The following ACO2 variants were observed in gnomAD, a reference collection of about 807,000 sequenced individuals.
ACO2 encodes aconitase 2, also known as aconitate hydratase, mitochondrial.
A neutral mutation model predicts 84.5 loss-of-function variants in ACO2; 31 were observed. The observed-to-expected ratio is 0.37, with a 90% CI of 0.28 to 0.50. The LOEUF is 0.50. Ranked by LOEUF, ACO2 falls within the 20% of genes least tolerant of loss-of-function variation. The probability of loss-of-function intolerance (pLI) is 0.97; values close to 1 mark genes in which losing one functional copy is unlikely to be tolerated. For missense variants in ACO2, 685 were observed against 1,029.3 expected, an observed-to-expected ratio of 0.67 and a Z score of 4.58; for synonymous variants, 414 against 412.7, an observed-to-expected ratio of 1.00 and a Z score of -0.04.
rs778052352 is a variant in ACO2 at position 41,523,912 on chromosome 22, G to C, written c.1453G>C (p.Glu485Gln). Residue 485 changes from glutamate to glutamine, a missense_variant, in exon 12 of 18, where the codon GAG (glutamate) becomes CAG (glutamine). Glu to Gln is a conservative substitution (Grantham distance 29). Transcript: ENST00000216254. ...CACGGGCCGCAACGACGCAAACCCCGAGACCCATGCCTTTGTCACGTCCCC... is the reference window on the plus strand; with the variant it reads ...CACGGGCCGCAACGACGCAAACCCCCAGACCCATGCCTTTGTCACGTCCCC... The part of the protein sequence containing the change: ...NFTGRNDANP[E>Q]THAFVTSPEI... The C allele has an allele frequency of 3.7e-6, 6 of 1,613,016 alleles. No individual in the cohort carries two copies. The highest frequency in any genetic ancestry group is 1.7e-6 in the Non-Finnish European group (2 of 1,180,012).
intron 1 of ACO2, among the ~76,000 whole-genome samples, chr22:41,478,002 A>T (rs1173498484): frequency 6.6e-6 from 1 of 151,556 alleles, no homozygotes; most frequent in Non-Finnish European, 1.5e-5. Context: ...GAAGCAGAGG[A>T]TGCAGTGAGC....
At chr22:41,525,429 T>G in intron 14 of ACO2, 81 bp downstream of exon 14, 1 of 1,549,102 alleles carries the variant, frequency 6.5e-7, no homozygotes, top group Non-Finnish European at 8.8e-7. Flanking sequence ...GCCATGAACC[T>G]GGAGGAAGTG....
intron 2 of ACO2, among the ~76,000 whole-genome samples, chr22:41,500,282 A>G (rs2066344334): frequency 6.6e-6 from 1 of 151,342 alleles, no homozygotes; most frequent in South Asian, 2.1e-4. Context: ...ATAAACTAAG[A>G]TGGGACCTTT....
rs142330436 is a variant in ACO2, at chr22:41,476,236, C to T, written c.36+7054C>T. On this transcript the variant is annotated intron_variant, in intron 1 of 17. Transcript: ENST00000216254. ...CAGCCTGACCAACATGGTGAAACCCCGTCTGTACTTAAAATACAAAATTAG... is the reference window on the plus strand; with the variant it reads ...CAGCCTGACCAACATGGTGAAACCCTGTCTGTACTTAAAATACAAAATTAG... 3.5e-3 allele frequency among the ~76,000 whole-genome samples: 526 copies of T among 150,930 alleles called. 2 individuals carry two copies. Among genetic ancestry groups the T allele is most frequent in the Non-Finnish European group, 5.5e-3 (370 of 67,730 alleles).
intron 7 of ACO2, 82 bp downstream of exon 7, chr22:41,517,713 T>A: frequency 7.8e-7 from 1 of 1,280,194 alleles, no homozygotes; most frequent in Non-Finnish European, 1.1e-6. Flanking sequence ...CCTTTCCCTG[T>A]AGGGCAGGGG....
intron 1 of ACO2, among the ~76,000 whole-genome samples, chr22:41,478,756 C>T (rs907943927): frequency 6.8e-5 from 10 of 147,848 alleles, no homozygotes; most frequent in African/African-American, 2.0e-4. Flanking sequence ...GTCCCTGCCA[C>T]ATATCTTCTT....
chr22:41,523,771 C>G, intron 11 of ACO2, 59 bp from the exon 12 acceptor site: 4 of 1,459,934 alleles, frequency 2.7e-6, no homozygotes, highest in South Asian at 2.3e-5. Flanking sequence ...TATCTGTCCT[C>G]GGGACAGGCC....
In ACO2 at chr22:41,526,373, G is replaced by A. The variant is rs1357717726; in HGVS notation, c.1873G>A (p.Glu625Lys). 6.2e-7 allele frequency: 1 copy of A among 1,613,810 alleles called. No homozygotes were observed. Among genetic ancestry groups the A allele is most frequent in the Non-Finnish European group, 8.5e-7 (1 of 1,180,028 alleles). The change falls in exon 15 of 18, where the codon GAA becomes AAA. Residue 625 changes from glutamate to lysine, a missense_variant. By Grantham distance (56) the Glu-to-Lys change is moderately conservative (BLOSUM62 1). Around this residue, in one of 5 missense-constraint regions of ACO2, gnomAD observed 174 missense variants for 236.6 expected, o/e 0.74. Coordinates refer to ENST00000216254, the MANE Select transcript of ACO2 (RefSeq NM_001098.3). ...NNLLIGAINI[E>K]NGKANSVRNA... ...CCTGCTCATTGGTGCCATCAACATTGAAAACGGCAAGGCCAACTCCGTGCG... is the reference window on the plus strand; with the variant it reads ...CCTGCTCATTGGTGCCATCAACATTAAAAACGGCAAGGCCAACTCCGTGCG...
At chr22:41,475,214 C>T (rs1019681958) in intron 1 of ACO2, among the ~76,000 whole-genome samples, 1 of 146,064 alleles carries the variant, frequency 6.8e-6, no homozygotes, top group African/African-American at 2.5e-5. Context: ...ATTCTGTCAG[C>T]CAGGCTGGAG....
intron 2 of ACO2, among the ~76,000 whole-genome samples, chr22:41,507,082 G>C (rs1287449527): frequency 6.6e-6 from 1 of 152,116 alleles, no homozygotes; most frequent in Non-Finnish European, 1.5e-5. Context: ...GAGGAAGGGA[G>C]GGGTGGGGCC....
Position 41,524,949 on chromosome 22 carries a change from C to G in ACO2, c.1586C>G (p.Ala529Gly). 4.3e-6 allele frequency: 7 copies of G among 1,614,190 alleles called. No individual in the cohort carries two copies. Among genetic ancestry groups the G allele is most frequent in the Non-Finnish European group, 5.9e-6 (7 of 1,180,024 alleles). Residue 529 changes from alanine (A) to glycine (G), a missense_variant, in exon 13 of 18, where the codon GCA (alanine) becomes GGA (glycine). Physicochemically the swap from Ala to Gly is moderately conservative, Grantham distance 60. Coordinates refer to ENST00000216254, the MANE Select transcript of ACO2 (RefSeq NM_001098.3). ...AAGTTCAGGCTGGAGGCTCCGGATG[C>G]AGATGAGCTTCCCAAAGGGGTGAGC... Reference protein sequence around the residue: ...GKKFRLEAPDADELPKGEFDP... With the variant: ...GKKFRLEAPDGDELPKGEFDP...
intron 16 of ACO2, 135 bp from the exon 17 acceptor site, chr22:41,527,766 G>A (rs1170122743): frequency 1.4e-6 from 2 of 1,447,452 alleles, no homozygotes; most frequent in East Asian, 2.3e-5. Context: ...GCAGACCAGG[G>A]CCCCATAGTC....
Position 41,517,606 on chromosome 22 carries a change from G to C in ACO2, c.915G>C (p.Lys305Asn). Residue 305 changes from lysine to asparagine, a missense_variant, in exon 7 of 18, where the codon AAG becomes AAC. Lys to Asn is a moderately conservative substitution (Grantham distance 94, BLOSUM62 0). Around this residue, in one of 5 missense-constraint regions of ACO2, gnomAD observed 311 missense variants for 441.6 expected, o/e 0.70. Coordinates refer to ENST00000216254, the MANE Select transcript of ACO2 (RefSeq NM_001098.3). ...TCCCTTACAACCACAGGATGAAGAA[G>C]TACCTGAGCAAGACCGGCCGGGAAG... ...SVFPYNHRMK[K>N]YLSKTGREDI... 1 of 1,614,086 alleles carries C rather than the reference G, an allele frequency of 6.2e-7. No individual in the cohort carries two copies. The highest frequency in any genetic ancestry group is 8.5e-7 in the Non-Finnish European group (1 of 1,180,024).
At chr22:41,495,834 C>G (rs8139104) in intron 1 of ACO2, among the ~76,000 whole-genome samples, 7 of 151,284 alleles carry the variant, frequency 4.6e-5, no homozygotes, top group Non-Finnish European at 8.8e-5. Context: ...ATCTCCTGAC[C>G]TCGTGATCCA....
At chr22:41,527,689 C>T in intron 16 of ACO2, 2 of 814,452 alleles carry the variant, frequency 2.5e-6, no homozygotes, top group South Asian at 3.6e-5. Context: ...CATGAATGTG[C>T]AGCAGGAAGG....
Position 41,511,950 on chromosome 22 carries a change from A to C in ACO2, c.507A>C (p.Gly169=), listed in dbSNP as rs201896621. ...ATGGCGTGGGCTTCTGGAAGCCTGG[A>C]TCTGGAATCATTCACCAGGTAAAGC... ...AKYGVGFWKP[G]SGIIHQIILE... is the part of the protein sequence containing the mutation. Residue 169 remains glycine (G), a synonymous_variant, in exon 4 of 18, where the codon GGA becomes GGC. Coordinates refer to ENST00000216254, the MANE Select transcript of ACO2 (RefSeq NM_001098.3). 6.2e-7 allele frequency: 1 copy of C among 1,610,338 alleles called. No homozygotes were observed. Among genetic ancestry groups the C allele is most frequent in the Non-Finnish European group, 8.5e-7 (1 of 1,178,506 alleles).
intron 2 of ACO2, among the ~76,000 whole-genome samples, chr22:41,507,191 T>C (rs2066399936): frequency 6.6e-6 from 1 of 152,062 alleles, no homozygotes; most frequent in Non-Finnish European, 1.5e-5. Context: ...CCTGTCTATG[T>C]CTGGAGCTAA....
intron 3 of ACO2, among the ~76,000 whole-genome samples, chr22:41,511,660 C>G (rs1474296186): frequency 2.6e-5 from 4 of 152,268 alleles, no homozygotes; most frequent in Non-Finnish European, 4.4e-5. Context: ...GGCTCCATCT[C>G]TGCTCCCCTG....
Position 41,470,889 on chromosome 22 carries a change from T to C in ACO2, c.36+1707T>C, listed in dbSNP as rs113136655. Among the ~76,000 whole-genome samples the C allele has an allele frequency of 4.3e-3, 662 of 152,316 alleles. 6 individuals carry two copies. Among genetic ancestry groups the C allele is most frequent in the Middle Eastern group, 0.034 (10 of 294 alleles). On this transcript the variant is annotated intron_variant, in intron 1 of 17. Coordinates refer to ENST00000216254, the MANE Select transcript of ACO2 (RefSeq NM_001098.3). ...TAGGTTAATGATGTGGAAATAGTTG[T>C]TTCTTCCTGTCTCATGATTTAAGGG...
Sources: gnomAD v4.1 joint callset for allele counts (sites outside exome capture counted in the v4.1 genomes callset) on GRCh38, gnomAD v4.1.1 for gene constraint, gnomAD v4.1.1 regional missense constraint, MANE v1.5 for transcripts, NCBI Gene and HGNC (gene_info 2026-07-23, HGNC 2026-07-21) for gene names.